UVRAG: variants seen among roughly 807,000 people sequenced by gnomAD.
UVRAG encodes UV radiation resistance-associated gene protein.
In UVRAG, 19 loss-of-function variants were observed where a neutral mutation model predicts 78.0. That is an observed-to-expected ratio of 0.24 (90% CI 0.17 to 0.36). The LOEUF (loss-of-function observed/expected upper bound fraction) is 0.36, where lower values mean the gene tolerates loss of function less well. Ranked by LOEUF, UVRAG falls within the 10% of genes least tolerant of loss-of-function variation. The pLI is 1.00. For missense variants in UVRAG, 740 were observed against 853.8 expected, an observed-to-expected ratio of 0.87 and a Z score of 1.66; for synonymous variants, 323 against 324.6, an observed-to-expected ratio of 1.00 and a Z score of 0.05.
At chr11:75,871,310 G>T in intron 3 of UVRAG, among the ~76,000 whole-genome samples, 1 of 134,538 alleles carries the variant, frequency 7.4e-6, no homozygotes. Context: ...TTTTGAGGCA[G>T]AGTCTCGCTC....
chr11:76,119,213 C>T (rs1255295798), intron 14 of UVRAG, among the ~76,000 whole-genome samples: 1 of 152,190 alleles, frequency 6.6e-6, no homozygotes, highest in African/African-American at 2.4e-5. Context: ...TCCTGCCTTC[C>T]TGAAACACTC....
At chr11:76,063,474 C>T (rs76470463) in intron 12 of UVRAG, among the ~76,000 whole-genome samples, 2,362 of 152,204 alleles carry the variant, frequency 0.016, 62 homozygotes, top group African/African-American at 0.054. Context: ...CTGTCACACA[C>T]GTAATCTATT....
intron 7 of UVRAG, among the ~76,000 whole-genome samples, chr11:75,980,575 T>C (rs1332693305): frequency 6.6e-6 from 1 of 152,206 alleles, no homozygotes; most frequent in Non-Finnish European, 1.5e-5. Flanking sequence ...TTGTTTATAG[T>C]GTTTTTTTAT....
At chr11:76,133,348 A>G (rs1952544883) in intron 14 of UVRAG, among the ~76,000 whole-genome samples, 1 of 152,110 alleles carries the variant, frequency 6.6e-6, no homozygotes, top group Non-Finnish European at 1.5e-5. Context: ...GCTCTGGAAT[A>G]TTACCTATGG....
intron 2 of UVRAG, among the ~76,000 whole-genome samples, chr11:75,859,290 C>T (rs368205709): frequency 1.2e-4 from 18 of 151,930 alleles, no homozygotes; most frequent in African/African-American, 4.1e-4. Context: ...GCTGGAGAAT[C>T]ACTTGAACCC....
At chr11:76,029,034 C>T (rs996197061) in intron 12 of UVRAG, among the ~76,000 whole-genome samples, 1 of 152,156 alleles carries the variant, frequency 6.6e-6, no homozygotes, top group Non-Finnish European at 1.5e-5. Flanking sequence ...GGGGCTAATA[C>T]AGCTGCTAAC....
chr11:76,136,397 T>C (rs1203473557), intron 14 of UVRAG, among the ~76,000 whole-genome samples: 1 of 152,110 alleles, frequency 6.6e-6, no homozygotes, highest in Non-Finnish European at 1.5e-5. Flanking sequence ...GTCCATTCAG[T>C]GAAGCAACCA....
At chr11:76,130,167 T>G in intron 14 of UVRAG, among the ~76,000 whole-genome samples, 1 of 152,242 alleles carries the variant, frequency 6.6e-6, no homozygotes, top group East Asian at 1.9e-4. Flanking sequence ...CAACCCATTC[T>G]TTACCTGGTG....
At chr11:75,969,549 G>A (rs542177324) in intron 7 of UVRAG, among the ~76,000 whole-genome samples, 21 of 152,104 alleles carry the variant, frequency 1.4e-4, no homozygotes, top group Non-Finnish European at 2.1e-4. Flanking sequence ...CATGCAGTAG[G>A]GCCTTTATTG....
At chr11:75,958,796 G>C (rs889152822) in intron 6 of UVRAG, among the ~76,000 whole-genome samples, 2 of 152,114 alleles carry the variant, frequency 1.3e-5, no homozygotes, top group African/African-American at 4.8e-5. Flanking sequence ...GCAACTCTAG[G>C]CTTATGAAAT....
chr11:75,979,098 A>G (rs552983075), intron 7 of UVRAG, among the ~76,000 whole-genome samples: 1 of 152,364 alleles, frequency 6.6e-6, no homozygotes, highest in African/African-American at 2.4e-5. Flanking sequence ...TCTAACACTC[A>G]GGACCCTCAG....
chr11:75,825,356 A>G (rs1590899701), intron 1 of UVRAG, among the ~76,000 whole-genome samples: 1 of 150,524 alleles, frequency 6.6e-6, no homozygotes, highest in African/African-American at 2.4e-5. Flanking sequence ...CAGGTGATCC[A>G]CCTGCCTCGA....
At chr11:75,984,037 C>G (rs181394880) in intron 8 of UVRAG, among the ~76,000 whole-genome samples, 2 of 152,120 alleles carry the variant, frequency 1.3e-5, no homozygotes, top group East Asian at 3.8e-4. Context: ...CCCGGACTTA[C>G]AATGGTTTGA....
chr11:75,867,412 G>A (rs1188110133), intron 3 of UVRAG, among the ~76,000 whole-genome samples: 7 of 152,044 alleles, frequency 4.6e-5, no homozygotes, highest in Admixed American at 3.9e-4. Context: ...TTTTGTGTCC[G>A]ATTGCCATGT....
chr11:76,030,160 T>G (rs1430745568), intron 12 of UVRAG, among the ~76,000 whole-genome samples: 2 of 151,816 alleles, frequency 1.3e-5, no homozygotes, highest in East Asian at 3.9e-4. Flanking sequence ...AAAAAAAAAC[T>G]GTATGAGTCA....
At chr11:75,893,670 C>CAAA (rs1048785134) in intron 5 of UVRAG, among the ~76,000 whole-genome samples, 2,829 of 60,354 alleles carry the variant, frequency 0.047, 114 homozygotes, top group Non-Finnish European at 0.051. Flanking sequence ...CTATCTCTAC[C>CAAA]AAAAAAAAAA....
chr11:76,092,821 C>T (rs1445978572), intron 13 of UVRAG, among the ~76,000 whole-genome samples: 1 of 152,142 alleles, frequency 6.6e-6, no homozygotes, highest in Non-Finnish European at 1.5e-5. Flanking sequence ...TTTTGCTGTG[C>T]AGAAGCTCTT....
intron 5 of UVRAG, chr11:75,911,643 T>A: frequency 4.4e-6 from 1 of 225,520 alleles, no homozygotes. Flanking sequence ...GTTGTCTTCC[T>A]CCATGGCTGG....
chr11:75,928,700 G>A (rs911093279), intron 6 of UVRAG, among the ~76,000 whole-genome samples: 1 of 152,028 alleles, frequency 6.6e-6, no homozygotes, highest in South Asian at 2.1e-4. Flanking sequence ...AGCACTTTGG[G>A]AGGCCCAGGT....
Sources: gnomAD v4.1 joint callset for allele counts (sites outside exome capture counted in the v4.1 genomes callset) on GRCh38, gnomAD v4.1.1 for gene constraint, MANE v1.5 for transcripts, NCBI Gene and HGNC (gene_info 2026-07-23, HGNC 2026-07-21) for gene names.